The following TMEM131 variants were observed in gnomAD, a reference collection of about 807,000 sequenced individuals.
The protein encoded by TMEM131 is transmembrane protein 131, also known as 2610524E03Rik.
TMEM131 carries 66 observed loss-of-function variants against 211.6 expected under a neutral mutation model. The observed-to-expected ratio is 0.31, with a 90% CI of 0.26 to 0.38. The LOEUF is 0.38. TMEM131 is among the 10% of genes least tolerant of loss of function. The probability of loss-of-function intolerance (pLI) is 1.00; values close to 1 mark genes in which losing one functional copy is unlikely to be tolerated. For synonymous variants in TMEM131, 844 were observed against 841.3 expected (o/e 1.00, Z -0.06); for missense variants, 2,036 against 2,299.3 (o/e 0.89, Z 2.34).
In TMEM131 at chr2:97,792,514, C is replaced by T. The variant is rs1157355461; in HGVS notation, c.4016G>A (p.Arg1339Lys). Residue 1339 changes from arginine to lysine, a missense_variant, in exon 31 of 41, where the codon AGG becomes AAG. By Grantham distance (26) the Arg-to-Lys change is conservative (BLOSUM62 2). This residue lies in a region of TMEM131 where 1,623 missense variants were observed against 1,805.9 expected (regional missense o/e 0.90). Coordinates refer to ENST00000186436, the MANE Select transcript of TMEM131 (RefSeq NM_015348.2). The part of the protein sequence containing the change: ...PSHPERASSA[R>K]HSSEDSDITS... ...GATGTCCGAGTCCTCGGAACTGTGC[C>T]TCGCGCTGCTGGCACGTTCTGGGTG... The T allele has an allele frequency of 1.2e-6, 2 of 1,613,578 alleles. No individual in the cohort carries two copies. Among genetic ancestry groups the T allele is most frequent in the Non-Finnish European group, 1.7e-6 (2 of 1,179,740 alleles).
chr2:97,832,974 CA>C (rs1456887561), intron 11 of TMEM131, among the ~76,000 whole-genome samples: 1 of 152,124 alleles, frequency 6.6e-6, no homozygotes, highest in Non-Finnish European at 1.5e-5. Flanking sequence ...ATTTTCTTCC[CA>C]ATTCATCTGA....
chr2:97,987,857 T>C (rs1680095878), intron 1 of TMEM131, among the ~76,000 whole-genome samples: 1 of 151,990 alleles, frequency 6.6e-6, no homozygotes, highest in South Asian at 2.1e-4. Flanking sequence ...AGTTTATGGG[T>C]TAAAATACTG....
At chr2:97,789,433 A>C (rs913178412) in intron 31 of TMEM131, among the ~76,000 whole-genome samples, 5 of 152,228 alleles carry the variant, frequency 3.3e-5, no homozygotes, top group Non-Finnish European at 7.3e-5. Flanking sequence ...AATAATAACC[A>C]TGGCAGTAGT....
chr2:97,766,052 G>C (rs1338739347), intron 35 of TMEM131, 62 bp downstream of exon 35: 2 of 1,592,984 alleles, frequency 1.3e-6, no homozygotes, highest in Non-Finnish European at 1.7e-6. Context: ...AGAGTTCCAT[G>C]CCCAGAGTGG....
intron 2 of TMEM131, chr2:97,911,540 C>T: frequency 1.4e-6 from 1 of 705,892 alleles, no homozygotes; most frequent in Non-Finnish European, 1.7e-6. Flanking sequence ...ACGTGTATCA[C>T]TCATGTGCAC....
rs1490598120 is a variant in TMEM131, at chr2:97,803,053, T to A, written c.2403-263A>T. Among the ~76,000 whole-genome samples the A allele has an allele frequency of 2.0e-5, 3 of 152,200 alleles. No individual in the cohort carries two copies. The East Asian group carries it at 5.8e-4, about 29-fold the overall frequency. ...TGATAAATCTTAGGAATAATACCAA[T>A]GGCATTAATGTAATCCCGCGTAAGT... On this transcript the variant is annotated intron_variant, in intron 22 of 40. Transcript: ENST00000186436.
intron 1 of TMEM131, among the ~76,000 whole-genome samples, chr2:97,944,255 C>G (rs978782835): frequency 2.0e-5 from 3 of 152,058 alleles, no homozygotes; most frequent in Admixed American, 6.6e-5. Flanking sequence ...ACAACTGGCA[C>G]TGGAATAACT....
rs778029258 is a variant in TMEM131 at position 97,814,130 on chromosome 2, G to T, written c.1458C>A (p.Phe486Leu). 2.5e-6 allele frequency: 4 copies of T among 1,611,966 alleles called. No homozygotes were observed. The change falls in exon 15 of 41, where the codon TTC becomes TTA. Residue 486 changes from phenylalanine to leucine, a missense_variant. Transcript: ENST00000186436. ...TAGGAAGAATTAAGACTGGTTTGCT[G>T]AAGTTGTGAACCTGAGAAATGACAG... ...EAKTMFKVHN[F>L]SKPVLILPNE...
chr2:97,838,419 GCTTAAA>G (rs1185114480), intron 7 of TMEM131, among the ~76,000 whole-genome samples: 1 of 133,938 alleles, frequency 7.5e-6, no homozygotes, highest in African/African-American at 2.9e-5. Context: ...CAATTCTTAA[GCTTAAA>G]CTTTTTTTTT....
At position 97,812,537 on chromosome 2, in the gene TMEM131, G is replaced by A; in HGVS notation, c.1747C>T (p.His583Tyr). 1 of 1,604,712 alleles carries A rather than the reference G, an allele frequency of 6.2e-7. No homozygotes were observed. The highest frequency in any genetic ancestry group is 8.5e-7 in the Non-Finnish European group (1 of 1,177,098). Residue 583 changes from histidine to tyrosine, a missense_variant, in exon 17 of 41, where the codon CAT becomes TAT. Coordinates refer to ENST00000186436, the MANE Select transcript of TMEM131 (RefSeq NM_015348.2). The stretch of plus-strand genomic sequence containing the variant: ...ATTGATAAACCGTCTCCTATGATAT[G>A]CCAACTTTTTATAGCCAACTTTAAA... ...NPIELAIKSWHIIGDGLSIEL... is the reference protein window; with the variant it reads ...NPIELAIKSWYIIGDGLSIEL...
intron 4 of TMEM131, among the ~76,000 whole-genome samples, chr2:97,879,264 T>C (rs561896958): frequency 2.4e-4 from 37 of 152,196 alleles, no homozygotes; most frequent in Middle Eastern, 3.4e-3. Context: ...AGCCAATACA[T>C]AGACAGGCAG....
intron 1 of TMEM131, among the ~76,000 whole-genome samples, chr2:97,987,255 G>C (rs1677688302): frequency 6.6e-6 from 1 of 152,236 alleles, no homozygotes; most frequent in Non-Finnish European, 1.5e-5. Flanking sequence ...GCTCATGCCT[G>C]TAATCCCAGC....
At chr2:97,843,868 AAAC>A (rs1364162080) in intron 6 of TMEM131, among the ~76,000 whole-genome samples, 2 of 152,194 alleles carry the variant, frequency 1.3e-5, no homozygotes, top group African/African-American at 4.8e-5. Context: ...AGTAAAAATT[AAAC>A]AAAATTTTAT....
intron 4 of TMEM131, among the ~76,000 whole-genome samples, chr2:97,884,918 G>C (rs1675079436): frequency 6.6e-6 from 1 of 152,162 alleles, no homozygotes; most frequent in African/African-American, 2.4e-5. Flanking sequence ...CAAGGTTATT[G>C]ATAGGTAAAG....
chr2:97,880,666 A>G (rs927604015), intron 4 of TMEM131, among the ~76,000 whole-genome samples: 2 of 152,026 alleles, frequency 1.3e-5, no homozygotes, highest in African/African-American at 4.8e-5. Context: ...AGACATGGTG[A>G]GTTTAGTGTG....
chr2:97,910,621 G>A (rs139664335), intron 2 of TMEM131, among the ~76,000 whole-genome samples: 4 of 152,266 alleles, frequency 2.6e-5, no homozygotes, highest in Non-Finnish European at 4.4e-5. Flanking sequence ...ATCCTCCCCA[G>A]CATCTGTCGT....
intron 4 of TMEM131, among the ~76,000 whole-genome samples, chr2:97,871,582 C>T (rs1573487758): frequency 6.6e-6 from 1 of 152,322 alleles, no homozygotes; most frequent in African/African-American, 2.4e-5. Flanking sequence ...TTTCTGACAA[C>T]TGGCTGACTC....
At chr2:97,823,323 C>A (rs1271750041) in intron 11 of TMEM131, among the ~76,000 whole-genome samples, 1 of 152,134 alleles carries the variant, frequency 6.6e-6, no homozygotes, top group Non-Finnish European at 1.5e-5. Flanking sequence ...GGGTACCTGT[C>A]CCCTTCTCCC....
At chr2:97,888,818 C>T (rs1675265367) in intron 3 of TMEM131, among the ~76,000 whole-genome samples, 1 of 152,006 alleles carries the variant, frequency 6.6e-6, no homozygotes, top group Non-Finnish European at 1.5e-5. Flanking sequence ...CCTAAAGTGT[C>T]AGAAATTCAG....
Sources: gnomAD v4.1 joint callset for allele counts (sites outside exome capture counted in the v4.1 genomes callset) on GRCh38, gnomAD v4.1.1 for gene constraint, gnomAD v4.1.1 regional missense constraint, MANE v1.5 for transcripts, NCBI Gene and HGNC (gene_info 2026-07-23, HGNC 2026-07-21) for gene names.